WAC: variants seen among roughly 807,000 people sequenced by gnomAD.
The protein encoded by WAC is WW domain-containing adapter protein with coiled-coil.
In WAC, 11 loss-of-function variants were observed where a neutral mutation model predicts 79.6. That is an observed-to-expected ratio of 0.14 (90% confidence interval 0.09 to 0.23). The LOEUF is 0.23. Among genes scored for constraint, WAC ranks in the 10% least tolerant of loss-of-function variants. The pLI is 1.00. For synonymous variants in WAC, 304 were observed against 276.9 expected, an observed-to-expected ratio of 1.10 and a Z score of -0.97; for missense variants, 728 against 773.5, an observed-to-expected ratio of 0.94 and a Z score of 0.70.
At chr10:28,585,084 A>G (rs973925974) in intron 4 of WAC, among the ~76,000 whole-genome samples, 1 of 152,124 alleles carries the variant, frequency 6.6e-6, no homozygotes, top group Admixed American at 6.6e-5. Flanking sequence ...AAAGAAAATC[A>G]TGTTAATTGT....
At chr10:28,565,810 T>C (rs1234150436) in intron 3 of WAC, among the ~76,000 whole-genome samples, 1 of 152,240 alleles carries the variant, frequency 6.6e-6, no homozygotes, top group African/African-American at 2.4e-5. Flanking sequence ...CAGTACATAC[T>C]GTATAACAAA....
chr10:28,574,085 A>G (rs982882668), intron 3 of WAC, among the ~76,000 whole-genome samples: 2 of 150,300 alleles, frequency 1.3e-5, no homozygotes, highest in East Asian at 2.0e-4. Flanking sequence ...ATTATGCCAC[A>G]TTTTCTTGTC....
intron 4 of WAC, among the ~76,000 whole-genome samples, chr10:28,587,688 T>C (rs1224544578): frequency 6.6e-6 from 1 of 152,236 alleles, no homozygotes; most frequent in Non-Finnish European, 1.5e-5. Context: ...GAAGGGTTTC[T>C]TTTTCCTTAA....
At chr10:28,575,642 G>A (rs879453403) in intron 3 of WAC, among the ~76,000 whole-genome samples, 2 of 152,178 alleles carry the variant, frequency 1.3e-5, no homozygotes, top group Admixed American at 6.5e-5. Flanking sequence ...TTGAGGAAAT[G>A]TTTGTTCAGA....
In WAC at chr10:28,608,288, C is replaced by T. The variant is rs751591840; in HGVS notation, c.1022C>T (p.Ser341Leu). Residue 341 changes from serine to leucine, a missense_variant, in exon 8 of 14, where the codon TCA becomes TTA. Coordinates refer to ENST00000354911, the MANE Select transcript of WAC (RefSeq NM_016628.5). ...ACATCTGCACCTCCAACATCTGCTT[C>T]AGCGGTCCCTGTTTCTCCTGTTCCA... ...NPTSAPPTSA[S>L]AVPVSPVPQS... 8 of 1,614,092 alleles carry T rather than the reference C, an allele frequency of 5.0e-6. No individual in the cohort carries two copies. Among genetic ancestry groups the T allele is most frequent in the Non-Finnish European group, 6.8e-6 (8 of 1,180,042 alleles).
intron 7 of WAC, among the ~76,000 whole-genome samples, chr10:28,599,965 G>A (rs1438674478): frequency 6.6e-6 from 1 of 152,072 alleles, no homozygotes; most frequent in East Asian, 1.9e-4. Context: ...CACCCAAATG[G>A]CCATTTTAAA....
At chr10:28,557,606 A>G (rs1193171302) in intron 3 of WAC, among the ~76,000 whole-genome samples, 3 of 152,074 alleles carry the variant, frequency 2.0e-5, no homozygotes, top group African/African-American at 7.2e-5. Context: ...AGGCAGGAGG[A>G]TTGCTTGAGC....
chr10:28,571,357 T>C (rs565742222), intron 3 of WAC, among the ~76,000 whole-genome samples: 1 of 152,238 alleles, frequency 6.6e-6, no homozygotes, highest in South Asian at 2.1e-4. Flanking sequence ...AGATCTGTTC[T>C]TTCTTTAGTT....
At chr10:28,583,649 G>C (rs1390190698) in intron 4 of WAC, 144 bp downstream of exon 4, 1 of 534,196 alleles carries the variant, frequency 1.9e-6, no homozygotes, top group African/African-American at 2.0e-5. Context: ...GTGTTTATTT[G>C]ATATTATTAT....
intron 3 of WAC, among the ~76,000 whole-genome samples, chr10:28,569,868 G>C (rs922707263): frequency 6.6e-6 from 1 of 152,158 alleles, no homozygotes; most frequent in Non-Finnish European, 1.5e-5. Context: ...GGTTTAGGCA[G>C]TGTGGCAATA....
At chr10:28,576,584 C>T (rs1839257183) in intron 3 of WAC, among the ~76,000 whole-genome samples, 1 of 152,120 alleles carries the variant, frequency 6.6e-6, no homozygotes, top group Non-Finnish European at 1.5e-5. Context: ...AAGTTTTATA[C>T]AGTACAATTT....
chr10:28,587,248 T>TA (rs921536268), intron 4 of WAC, among the ~76,000 whole-genome samples: 1 of 152,206 alleles, frequency 6.6e-6, no homozygotes, highest in Non-Finnish European at 1.5e-5. Flanking sequence ...AAGTAATTTT[T>TA]AAAAAAATAG....
chr10:28,615,502 C>T (rs1841430491), intron 11 of WAC: 1 of 152,166 alleles, frequency 6.6e-6, no homozygotes, highest in South Asian at 2.1e-4. Flanking sequence ...GTGATGAAAA[C>T]TCTTCATCCT....
At chr10:28,578,961 C>G (rs1335019892) in intron 3 of WAC, among the ~76,000 whole-genome samples, 1 of 152,086 alleles carries the variant, frequency 6.6e-6, no homozygotes, top group Non-Finnish European at 1.5e-5. Context: ...CATTTAAGTT[C>G]TTAAAGTTGC....
At chr10:28,616,906 A>AC (rs1208851728) in intron 12 of WAC, among the ~76,000 whole-genome samples, 2 of 152,048 alleles carry the variant, frequency 1.3e-5, no homozygotes, top group East Asian at 1.9e-4. Flanking sequence ...ACATGGTGAA[A>AC]CCCCATCTCT....
chr10:28,613,863 G>A (rs934149270), intron 10 of WAC, among the ~76,000 whole-genome samples: 2 of 152,082 alleles, frequency 1.3e-5, no homozygotes, highest in Non-Finnish European at 1.5e-5. Context: ...TGGCAATCAT[G>A]GACTTCAGTC....
chr10:28,539,850 C>T (rs1163658373), intron 3 of WAC, among the ~76,000 whole-genome samples: 1 of 152,094 alleles, frequency 6.6e-6, no homozygotes, highest in Admixed American at 6.6e-5. Flanking sequence ...TGAGTCACCG[C>T]GCCTGGCCCA....
intron 3 of WAC, among the ~76,000 whole-genome samples, chr10:28,556,616 C>A (rs1363765557): frequency 6.6e-6 from 1 of 151,280 alleles, no homozygotes; most frequent in Non-Finnish European, 1.5e-5. Context: ...GTGTAGTATT[C>A]AAAAAATTAT....
At chr10:28,575,629 T>A (rs1839201911) in intron 3 of WAC, among the ~76,000 whole-genome samples, 2 of 152,228 alleles carry the variant, frequency 1.3e-5, no homozygotes, top group Non-Finnish European at 2.9e-5. Flanking sequence ...TTGTATGTCA[T>A]CTTTGAGGAA....
Sources: allele counts gnomAD v4.1 joint callset (sites outside exome capture counted in the v4.1 genomes callset), GRCh38; gene constraint gnomAD v4.1.1; transcripts MANE v1.5; gene names NCBI Gene and HGNC (gene_info 2026-07-23, HGNC 2026-07-21).